Variants in ZNF407 observed in about 807,000 individuals in gnomAD.
ZNF407 encodes zinc finger protein 407.
In ZNF407, 17 loss-of-function variants were observed where a neutral mutation model predicts 131.2. That is an observed-to-expected ratio of 0.13 (90% CI 0.09 to 0.19). The LOEUF (loss-of-function observed/expected upper bound fraction) is 0.19. Among genes scored for constraint, ZNF407 ranks in the 10% least tolerant of loss-of-function variants. The pLI is 1.00. For synonymous variants in ZNF407, 1,156 were observed against 1,062.0 expected (o/e 1.09, Z -1.72); for missense variants, 2,681 against 2,830.6 (o/e 0.95, Z 1.20).
chr18:74,896,252 T>C (rs1156965154), intron 7 of ZNF407, among the ~76,000 whole-genome samples: 1 of 152,214 alleles, frequency 6.6e-6, no homozygotes, highest in Non-Finnish European at 1.5e-5. Flanking sequence ...GAACAGACTT[T>C]AAATCAAAAC....
In ZNF407 at chr18:74,638,367, G is replaced by GATGA. The variant is rs72363699; in HGVS notation, c.4688-2619_4688-2616dup. On this transcript the variant is annotated intron_variant, in intron 2 of 8. Coordinates refer to ENST00000299687, the MANE Select transcript of ZNF407 (RefSeq NM_017757.3). ...TGATGAGTGAATAAATGAACGAGCAGATGAATGAATGAATGAATGAATGAA... is the reference window on the plus strand; with the variant it reads ...TGATGAGTGAATAAATGAACGAGCAGATGAATGAATGAATGAATGAATGAATGAA... 1.3e-4 allele frequency among the ~76,000 whole-genome samples: 20 copies of GATGA among 151,968 alleles called. No individual in the cohort carries two copies. The East Asian group carries it at 1.7e-3, about 13-fold the overall frequency.
At chr18:74,737,215 A>G (rs1490358141) in intron 3 of ZNF407, among the ~76,000 whole-genome samples, 3 of 152,312 alleles carry the variant, frequency 2.0e-5, no homozygotes, top group Non-Finnish European at 4.4e-5. Context: ...TTGTTTTTAG[A>G]GAAGTTTTGT....
At chr18:74,865,573 C>T (rs1436761587) in intron 4 of ZNF407, among the ~76,000 whole-genome samples, 2 of 152,066 alleles carry the variant, frequency 1.3e-5, no homozygotes, top group Non-Finnish European at 2.9e-5. Context: ...ATTTTGAATG[C>T]TGGAAGGTAC....
chr18:74,855,961 G>C (rs1382084902), intron 4 of ZNF407, among the ~76,000 whole-genome samples: 3 of 152,152 alleles, frequency 2.0e-5, no homozygotes, highest in African/African-American at 7.2e-5. Flanking sequence ...CTTTGTCAAA[G>C]GCTGTGACAA....
At chr18:74,821,138 G>A (rs1357677724) in intron 4 of ZNF407, among the ~76,000 whole-genome samples, 1 of 151,748 alleles carries the variant, frequency 6.6e-6, no homozygotes, top group Non-Finnish European at 1.5e-5. Context: ...TTAGGTTGGT[G>A]CAAAAGTAAT....
At chr18:74,903,477 A>G (rs934008419) in intron 7 of ZNF407, among the ~76,000 whole-genome samples, 5 of 152,106 alleles carry the variant, frequency 3.3e-5, no homozygotes, top group South Asian at 4.1e-4. Context: ...TAACCACTCT[A>G]AAAAAATGAT....
intron 4 of ZNF407, among the ~76,000 whole-genome samples, chr18:74,805,593 A>G (rs1970096862): frequency 6.6e-6 from 1 of 152,226 alleles, no homozygotes; most frequent in Non-Finnish European, 1.5e-5. Flanking sequence ...GAGTAAAAAT[A>G]TAAGAATGTT....
At chr18:74,696,656 A>G (rs1210751324) in intron 3 of ZNF407, among the ~76,000 whole-genome samples, 1 of 152,204 alleles carries the variant, frequency 6.6e-6, no homozygotes, top group Non-Finnish European at 1.5e-5. Flanking sequence ...ACATACATAC[A>G]TAGACAAATA....
At chr18:74,800,700 CAGTT>C (rs1188181395) in intron 4 of ZNF407, among the ~76,000 whole-genome samples, 1 of 152,100 alleles carries the variant, frequency 6.6e-6, no homozygotes, top group Non-Finnish European at 1.5e-5. Context: ...TATATAAACT[CAGTT>C]TGTTTTATAT....
intron 3 of ZNF407, among the ~76,000 whole-genome samples, chr18:74,738,202 A>G (rs1968462500): frequency 6.6e-6 from 1 of 151,934 alleles, no homozygotes; most frequent in South Asian, 2.1e-4. Context: ...CAGGCAGATC[A>G]TGAAGTCAAG....
At chr18:74,770,499 A>C (rs1377607966) in intron 3 of ZNF407, among the ~76,000 whole-genome samples, 1 of 152,222 alleles carries the variant, frequency 6.6e-6, no homozygotes, top group Non-Finnish European at 1.5e-5. Context: ...ACGAAAAAAA[A>C]CAAGAATAAA....
In ZNF407 at chr18:74,655,195, C is replaced by G. The variant is rs147338894; in HGVS notation, c.4802+14073C>G. ...AAGTTACTGCATCTCTAAATTCAGTCATTTTATTTTAGCCTTTAAGTTGAA... is the reference window on the plus strand; with the variant it reads ...AAGTTACTGCATCTCTAAATTCAGTGATTTTATTTTAGCCTTTAAGTTGAA... On this transcript the variant is annotated intron_variant, in intron 3 of 8. Transcript: ENST00000299687. Among the ~76,000 whole-genome samples the G allele has an allele frequency of 1.1e-3, 166 of 151,908 alleles. 3 individuals carry two copies. The East Asian group carries it at 0.028, about 25-fold the overall frequency.
chr18:74,725,669 G>C lies in ZNF407; in HGVS notation c.4803-55759G>C, dbSNP rs1968139824. 6.6e-5 allele frequency among the ~76,000 whole-genome samples: 10 copies of C among 152,024 alleles called. No individual in the cohort carries two copies. The South Asian group carries it at 1.9e-3, about 28-fold the overall frequency. On this transcript the variant is annotated intron_variant, in intron 3 of 8. Transcript: ENST00000299687. ...ATTGAACCTTAATTTCAGTCTCTTA[G>C]AGTTTTTTCATATGGCTTAGGTCAT...
At chr18:74,853,113 G>T (rs1057428571) in intron 4 of ZNF407, among the ~76,000 whole-genome samples, 4 of 152,040 alleles carry the variant, frequency 2.6e-5, no homozygotes, top group African/African-American at 9.7e-5. Flanking sequence ...AGGAAAAAAC[G>T]TATCAAATGT....
chr18:74,861,919 T>G (rs566909186), intron 4 of ZNF407, among the ~76,000 whole-genome samples: 1 of 152,350 alleles, frequency 6.6e-6, no homozygotes, highest in South Asian at 2.1e-4. Flanking sequence ...ATTCTGAATT[T>G]ATGACTTTCA....
At chr18:74,698,947 T>G (rs541802715) in intron 3 of ZNF407, among the ~76,000 whole-genome samples, 1 of 152,300 alleles carries the variant, frequency 6.6e-6, no homozygotes, top group Admixed American at 6.5e-5. Flanking sequence ...TATAAAATAA[T>G]TTTTGGAAAA....
At chr18:75,001,817 C>T (rs1179351597) in intron 8 of ZNF407, among the ~76,000 whole-genome samples, 2 of 152,194 alleles carry the variant, frequency 1.3e-5, no homozygotes, top group African/African-American at 4.8e-5. Flanking sequence ...TTAGACAGGT[C>T]GTTCTCACCT....
At chr18:74,613,660 T>G (rs1441432572) in intron 1 of ZNF407, among the ~76,000 whole-genome samples, 1 of 152,228 alleles carries the variant, frequency 6.6e-6, no homozygotes, top group Non-Finnish European at 1.5e-5. Context: ...TAAACAGATT[T>G]GAGGCACTTT....
chr18:74,923,344 C>G (rs1228616843), intron 8 of ZNF407, among the ~76,000 whole-genome samples: 3 of 150,842 alleles, frequency 2.0e-5, no homozygotes, highest in Non-Finnish European at 4.4e-5. Flanking sequence ...TAATGCAAAT[C>G]CACTACCAGC....
Sources: gnomAD v4.1 joint callset for allele counts (sites outside exome capture counted in the v4.1 genomes callset) on GRCh38, gnomAD v4.1.1 for gene constraint, MANE v1.5 for transcripts, NCBI Gene and HGNC (gene_info 2026-07-23, HGNC 2026-07-21) for gene names.